The following SLC6A11 variants were observed in gnomAD, a reference collection of about 807,000 sequenced individuals.
SLC6A11 encodes sodium- and chloride-dependent GABA transporter 3.
Under a neutral mutation model 74.8 loss-of-function variants are expected in SLC6A11, and 25 were observed. The observed-to-expected ratio is 0.33, with a 90% CI of 0.24 to 0.47. SLC6A11 has a LOEUF of 0.47. Among genes scored for constraint, SLC6A11 ranks in the 20% least tolerant of loss-of-function variants. The pLI is 1.00. For synonymous variants in SLC6A11, 330 were observed against 330.2 expected (o/e 1.00, Z 0.01); for missense variants, 574 against 837.0 (o/e 0.69, Z 3.88).
At chr3:10,837,802 G>C (rs778536983) in intron 4 of SLC6A11, among the ~76,000 whole-genome samples, 2 of 152,204 alleles carry the variant, frequency 1.3e-5, no homozygotes, top group Admixed American at 6.5e-5. Context: ...CTTGGTTTAG[G>C]GGCCCCTGCC....
chr3:10,816,374 C>T lies in SLC6A11; in HGVS notation c.109C>T (p.Arg37Cys), dbSNP rs1405654834. The T allele has an allele frequency of 6.7e-7, 1 of 1,484,514 alleles. No individual in the cohort carries two copies. 92.0% of individuals were successfully genotyped at this position (1,484,514 alleles called of 1,614,324 possible). The change falls in exon 1 of 14, where the codon CGC becomes TGC. Residue 37 changes from arginine to cysteine, a missense_variant. Transcript: ENST00000254488. The surrounding 1 kb of genome is among the most constrained non-coding windows in gnomAD (Gnocchi z 4.2). ...GCSSGGAAPA[R>C]HPRVKRDKAV... is the part of the protein sequence containing the mutation. Reference sequence around the variant, plus strand: ...CAGCAGCGGGGGCGCGGCGCCCGCGCGCCACCCGCGCGTCAAGCGCGACAA... The same window carrying T: ...CAGCAGCGGGGGCGCGGCGCCCGCGTGCCACCCGCGCGTCAAGCGCGACAA...
intron 5 of SLC6A11, among the ~76,000 whole-genome samples, chr3:10,851,334 A>G (rs532955449): frequency 6.6e-6 from 1 of 152,108 alleles, no homozygotes; most frequent in East Asian, 1.9e-4. Context: ...TTTAAGAAGA[A>G]TCATGCCTTT....
At chr3:10,923,757 A>G (rs1207667252) in intron 8 of SLC6A11, among the ~76,000 whole-genome samples, 2 of 152,204 alleles carry the variant, frequency 1.3e-5, no homozygotes, top group African/African-American at 4.8e-5. Context: ...AACAATTACA[A>G]AGAGAAAAAG....
intron 6 of SLC6A11, among the ~76,000 whole-genome samples, chr3:10,910,955 G>T (rs1280700558): frequency 6.6e-6 from 1 of 151,680 alleles, no homozygotes; most frequent in Non-Finnish European, 1.5e-5. Context: ...CCACGTAGCT[G>T]GGATTACAGG....
intron 6 of SLC6A11, among the ~76,000 whole-genome samples, chr3:10,900,107 G>A (rs879585047): frequency 2.6e-5 from 4 of 152,214 alleles, no homozygotes; most frequent in African/African-American, 4.8e-5. Flanking sequence ...CATCTCCATT[G>A]CAATGTAGTT....
At chr3:10,889,253 G>A (rs1695080365) in intron 6 of SLC6A11, among the ~76,000 whole-genome samples, 1 of 151,934 alleles carries the variant, frequency 6.6e-6, no homozygotes, top group Non-Finnish European at 1.5e-5. Flanking sequence ...TATAATCAAG[G>A]GGCCAATATT....
intron 4 of SLC6A11, among the ~76,000 whole-genome samples, chr3:10,834,364 A>G (rs1469460007): frequency 7.4e-6 from 1 of 135,170 alleles, no homozygotes; most frequent in Non-Finnish European, 1.5e-5. Flanking sequence ...TTTTTTTTTC[A>G]GCAGATGGGG....
At chr3:10,872,239 G>A (rs1221909955) in intron 5 of SLC6A11, among the ~76,000 whole-genome samples, 1 of 152,228 alleles carries the variant, frequency 6.6e-6, no homozygotes, top group East Asian at 1.9e-4. Flanking sequence ...CAAGTTATGA[G>A]TAACTTCTCT....
intron 6 of SLC6A11, among the ~76,000 whole-genome samples, chr3:10,910,021 C>T (rs1434870409): frequency 6.6e-6 from 1 of 152,172 alleles, no homozygotes; most frequent in Non-Finnish European, 1.5e-5. Context: ...TGTCTTTCCT[C>T]TTTCCAGTTT....
chr3:10,908,652 G>A (rs1218321492), intron 6 of SLC6A11, among the ~76,000 whole-genome samples: 2 of 152,086 alleles, frequency 1.3e-5, no homozygotes, highest in Admixed American at 1.3e-4. Context: ...CAGCTACTGG[G>A]CACCTTGTTT....
Position 10,938,365 on chromosome 3 carries a change from C to T in SLC6A11, c.1862C>T (p.Thr621Ile). 6.2e-7 allele frequency: 1 copy of T among 1,609,936 alleles called. No individual in the cohort carries two copies. Among genetic ancestry groups the T allele is most frequent in the South Asian group, 1.1e-5 (1 of 90,706 alleles). ...GATGCCAAACTCAAGAGTGACGGGA[C>T]CATCGCAGCCATCACAGAGAAGGAG... ...DCDAKLKSDG[T>I]IAAITEKETH... Residue 621 changes from threonine (T) to isoleucine (I), a missense_variant, in exon 14 of 14, where the codon ACC becomes ATC. Thr to Ile is a moderately conservative substitution (Grantham distance 89). Coordinates refer to ENST00000254488, the MANE Select transcript of SLC6A11 (RefSeq NM_014229.3).
In SLC6A11 at chr3:10,830,777, G is replaced by A. The variant is rs576817779; in HGVS notation, c.623+7385G>A. Among the ~76,000 whole-genome samples the A allele has an allele frequency of 4.6e-5, 7 of 152,280 alleles. No individual in the cohort carries two copies. The East Asian group carries it at 1.3e-3, about 29-fold the overall frequency. ...AGGCAGTCAAAGAGCCTGGAGAAGA[G>A]CATGAAGGGCCTCTGTACCTTTCTA... On this transcript the variant is annotated intron_variant, in intron 4 of 13. Coordinates refer to ENST00000254488, the MANE Select transcript of SLC6A11 (RefSeq NM_014229.3).
chr3:10,844,405 G>A, intron 5 of SLC6A11, 59 bp downstream of exon 5: 1 of 1,604,410 alleles, frequency 6.2e-7, no homozygotes, highest in Non-Finnish European at 8.5e-7. Flanking sequence ...GCTCACAGAT[G>A]ACCTAGAGAG....
chr3:10,934,351 C>T (rs940244891), intron 12 of SLC6A11, among the ~76,000 whole-genome samples, 185 bp downstream of exon 12: 3 of 152,230 alleles, frequency 2.0e-5, no homozygotes, highest in Admixed American at 6.5e-5. Context: ...CAAGGAGTGG[C>T]CTCATTGGGA....
chr3:10,908,364 A>G (rs1165329794), intron 6 of SLC6A11, among the ~76,000 whole-genome samples: 1 of 152,170 alleles, frequency 6.6e-6, no homozygotes, highest in East Asian at 1.9e-4. Flanking sequence ...ACAGCAGAGA[A>G]CCAACAGACT....
chr3:10,873,584 GCTATC>G (rs955181539), intron 5 of SLC6A11, among the ~76,000 whole-genome samples: 2 of 116,366 alleles, frequency 1.7e-5, no homozygotes, highest in Non-Finnish European at 3.4e-5. Flanking sequence ...CCTACCCTAC[GCTATC>G]CTATCCTATC....
intron 4 of SLC6A11, chr3:10,824,433 A>G (rs1313577799): frequency 6.6e-6 from 1 of 152,030 alleles, no homozygotes; most frequent in African/African-American, 2.4e-5. Context: ...TTTCCCAGAT[A>G]CCATTCGTCT....
At position 10,938,626 on chromosome 3, in the gene SLC6A11, G is replaced by A. The variant is rs764231647; in HGVS notation, c.*224G>A. 1.3e-5 allele frequency: 5 copies of A among 399,888 alleles called. No individual in the cohort carries two copies. Among genetic ancestry groups the A allele is most frequent in the Admixed American group, 4.1e-5 (1 of 24,688 alleles). 24.8% of individuals were successfully genotyped at this position (399,888 alleles called of 1,614,324 possible). ...CCACTACAAAGAGATAACACTGTAC[G>A]GGGACTGCCAGATCTTCTGTCCTAG... On this transcript the variant is annotated 3_prime_UTR_variant, in exon 14 of 14. Coordinates refer to ENST00000254488, the MANE Select transcript of SLC6A11 (RefSeq NM_014229.3).
chr3:10,929,438 T>C, intron 10 of SLC6A11, 99 bp downstream of exon 10: 2 of 1,279,570 alleles, frequency 1.6e-6, no homozygotes, highest in Non-Finnish European at 2.2e-6. Context: ...TCAGGTCTAG[T>C]GCCCTCTGCC....
Sources: gnomAD v4.1 joint callset for allele counts (sites outside exome capture counted in the v4.1 genomes callset) on GRCh38, gnomAD v4.1.1 for gene constraint, Gnocchi (gnomAD v3.1) non-coding constraint, MANE v1.5 for transcripts, NCBI Gene and HGNC (gene_info 2026-07-23, HGNC 2026-07-21) for gene names.